PDE3A: variants seen among roughly 807,000 people sequenced by gnomAD.
The protein encoded by PDE3A is phosphodiesterase 3A.
Under a neutral mutation model 98.3 loss-of-function variants are expected in PDE3A, and 43 were observed. That is an observed-to-expected ratio of 0.44 (90% CI 0.34 to 0.56). PDE3A has a LOEUF of 0.56. PDE3A is among the 20% of genes least tolerant of loss of function. The pLI is 0.01. For missense variants in PDE3A, 1,427 were observed against 1,440.7 expected (o/e 0.99, Z 0.15); for synonymous variants, 663 against 567.9 (o/e 1.17, Z -2.38).
intron 15 of PDE3A, among the ~76,000 whole-genome samples, chr12:20,676,892 G>A (rs1188058663): frequency 6.6e-6 from 1 of 152,164 alleles, no homozygotes; most frequent in East Asian, 1.9e-4. Flanking sequence ...GCATCTAGAT[G>A]TCTAAATCTC....
At chr12:20,545,638 G>T (rs1192573741) in intron 1 of PDE3A, among the ~76,000 whole-genome samples, 1 of 151,942 alleles carries the variant, frequency 6.6e-6, no homozygotes, top group African/African-American at 2.4e-5. Flanking sequence ...GAATACAGGA[G>T]AAAGCTAAAT....
chr12:20,540,568 A>T (rs1248901339), intron 1 of PDE3A, among the ~76,000 whole-genome samples: 1 of 152,106 alleles, frequency 6.6e-6, no homozygotes, highest in Non-Finnish European at 1.5e-5. Flanking sequence ...AATTGAGGCT[A>T]ACAGGAAAAT....
chr12:20,376,938 T>G lies in PDE3A; in HGVS notation c.960+6694T>G, dbSNP rs1332761284. 8.6e-5 allele frequency among the ~76,000 whole-genome samples: 13 copies of G among 152,032 alleles called. No homozygotes were observed. The South Asian group carries it at 2.5e-3, about 29-fold the overall frequency. ...CATTTGTTATTTAGGAATCTGTGAATGATTATTAAAGCTTTCAAGTATAGC... is the reference window on the plus strand; with the variant it reads ...CATTTGTTATTTAGGAATCTGTGAAGGATTATTAAAGCTTTCAAGTATAGC... On this transcript the variant is annotated intron_variant, in intron 1 of 15. Coordinates refer to ENST00000359062, the MANE Select transcript of PDE3A (RefSeq NM_000921.5).
chr12:20,380,125 T>G (rs898359243), intron 1 of PDE3A, among the ~76,000 whole-genome samples: 6 of 151,922 alleles, frequency 3.9e-5, no homozygotes, highest in Non-Finnish European at 7.4e-5. Flanking sequence ...TTTTATACTC[T>G]AGTAGTCTGC....
Position 20,563,717 on chromosome 12 carries a change from G to A in PDE3A, c.1011+7007G>A, listed in dbSNP as rs185346241. Reference sequence around the variant, plus strand: ...TTGTTTAAATTTTGCTTATACTAACGGGGACCACACAAAATATATTTGCCT... The same window carrying A: ...TTGTTTAAATTTTGCTTATACTAACAGGGACCACACAAAATATATTTGCCT... On this transcript the variant is annotated intron_variant, in intron 2 of 15. Transcript: ENST00000359062. 1.4e-3 allele frequency among the ~76,000 whole-genome samples: 214 copies of A among 152,128 alleles called. 1 individual carries two copies. The highest frequency in any genetic ancestry group is 1.0e-2 in the South Asian group (48 of 4,814).
At chr12:20,414,309 A>G (rs1400679141) in intron 1 of PDE3A, among the ~76,000 whole-genome samples, 1 of 152,182 alleles carries the variant, frequency 6.6e-6, no homozygotes, top group African/African-American at 2.4e-5. Context: ...AAGAGAGTAG[A>G]GGTGAATTTA....
rs61427465 is a variant in PDE3A at position 20,470,726 on chromosome 12, TTCTAAAACTTTCACAGTGCAATGC to T, written c.961-85932_961-85909del. Reference sequence around the variant, plus strand: ...GAATCTTGAATAAGCATCAAAATCTTTCTAAAACTTTCACAGTGCAATGCTGTGGGTTGCATTGTGTCCTTTTCC... The same window carrying T: ...GAATCTTGAATAAGCATCAAAATCTTTGTGGGTTGCATTGTGTCCTTTTCC... On this transcript the variant is annotated intron_variant, in intron 1 of 15. Coordinates refer to ENST00000359062, the MANE Select transcript of PDE3A (RefSeq NM_000921.5). 5.4e-3 allele frequency among the ~76,000 whole-genome samples: 824 copies of T among 152,244 alleles called. 9 individuals carry two copies. The highest frequency in any genetic ancestry group is 0.019 in the African/African-American group (785 of 41,538).
At chr12:20,466,587 A>T (rs2120947977) in intron 1 of PDE3A, among the ~76,000 whole-genome samples, 1 of 152,326 alleles carries the variant, frequency 6.6e-6, no homozygotes, top group Admixed American at 6.5e-5. Flanking sequence ...TTTAAAAGTT[A>T]AATTATGACT....
At chr12:20,406,495 TC>T (rs1418076697) in intron 1 of PDE3A, among the ~76,000 whole-genome samples, 4 of 152,158 alleles carry the variant, frequency 2.6e-5, no homozygotes, top group African/African-American at 9.7e-5. Flanking sequence ...GAGCACCTTT[TC>T]ATGTACTTGT....
In PDE3A at chr12:20,680,204, A is replaced by G. The variant is rs1447795232; in HGVS notation, c.3359A>G (p.Lys1120Arg). ...SHSSEQIQAI[K>R]EEEEEKGKPR... ...TCTTCAGAACAGATCCAGGCTATCA[A>G]GGAAGAAGAAGAAGAGAAAGGGAAA... Residue 1120 changes from lysine (K) to arginine (R), a missense_variant, in exon 16 of 16, where the codon AAG becomes AGG. This residue lies in a region of PDE3A where 142 missense variants were observed against 133.9 expected (regional missense o/e 1.06). Coordinates refer to ENST00000359062, the MANE Select transcript of PDE3A (RefSeq NM_000921.5). 2 of 1,613,894 alleles carry G rather than the reference A, an allele frequency of 1.2e-6. No individual in the cohort carries two copies. Among genetic ancestry groups the G allele is most frequent in the Non-Finnish European group, 1.7e-6 (2 of 1,179,818 alleles).
intron 1 of PDE3A, among the ~76,000 whole-genome samples, chr12:20,422,188 T>C (rs1309935960): frequency 1.3e-5 from 2 of 151,884 alleles, no homozygotes; most frequent in Admixed American, 1.3e-4. Flanking sequence ...CTACTAAAAA[T>C]ACAAAAAATT....
intron 1 of PDE3A, among the ~76,000 whole-genome samples, chr12:20,544,396 T>G (rs985504558): frequency 1.1e-4 from 16 of 151,724 alleles, no homozygotes; most frequent in Admixed American, 3.3e-4. Flanking sequence ...TTATAGTACT[T>G]ACGAAGGATT....
intron 9 of PDE3A, among the ~76,000 whole-genome samples, chr12:20,639,264 T>G (rs1944592977): frequency 6.6e-6 from 1 of 152,086 alleles, no homozygotes; most frequent in Non-Finnish European, 1.5e-5. Flanking sequence ...ATAAAAAGAT[T>G]AAGGATAATT....
chr12:20,398,258 A>G (rs927508865), intron 1 of PDE3A, among the ~76,000 whole-genome samples: 7 of 151,608 alleles, frequency 4.6e-5, no homozygotes, highest in Middle Eastern at 3.2e-3. Context: ...TCTGGAGAAG[A>G]AAGAGCATGG....
chr12:20,675,343 T>C (rs912196739), intron 15 of PDE3A, among the ~76,000 whole-genome samples: 1 of 152,218 alleles, frequency 6.6e-6, no homozygotes, highest in Non-Finnish European at 1.5e-5. Flanking sequence ...ATCTGGTCTA[T>C]CCTGGAGAAT....
chr12:20,658,376 G>A (rs1945089144), intron 15 of PDE3A, among the ~76,000 whole-genome samples: 1 of 151,968 alleles, frequency 6.6e-6, no homozygotes, highest in African/African-American at 2.4e-5. Flanking sequence ...CCAGGTACCA[G>A]GTCCTTTAAA....
At chr12:20,401,426 A>G (rs187369075) in intron 1 of PDE3A, among the ~76,000 whole-genome samples, 1 of 151,950 alleles carries the variant, frequency 6.6e-6, no homozygotes, top group East Asian at 1.9e-4. Context: ...TCTCTAATCT[A>G]CCCTTCTTAA....
intron 1 of PDE3A, among the ~76,000 whole-genome samples, chr12:20,475,181 G>C (rs1424254788): frequency 3.7e-5 from 4 of 106,972 alleles, no homozygotes; most frequent in Admixed American, 3.3e-4. Flanking sequence ...GTGTGTGAGT[G>C]TGTGTGTGTG....
At chr12:20,395,924 G>C (rs1179946467) in intron 1 of PDE3A, among the ~76,000 whole-genome samples, 1 of 151,716 alleles carries the variant, frequency 6.6e-6, no homozygotes, top group Non-Finnish European at 1.5e-5. Context: ...GGATATTGCT[G>C]TGTCACTGTC....
Sources: gnomAD v4.1 joint callset for allele counts (sites outside exome capture counted in the v4.1 genomes callset) on GRCh38, gnomAD v4.1.1 for gene constraint, gnomAD v4.1.1 regional missense constraint, MANE v1.5 for transcripts, NCBI Gene and HGNC (gene_info 2026-07-23, HGNC 2026-07-21) for gene names.